STAB2: variants seen among roughly 807,000 people sequenced by gnomAD.
The protein encoded by STAB2 is stabilin-2.
A neutral mutation model predicts 338.1 loss-of-function variants in STAB2; 288 were observed. The observed-to-expected ratio is 0.85, with a 90% CI of 0.77 to 0.94. STAB2 has a LOEUF of 0.94. STAB2 is among the 40% of genes least tolerant of loss of function. The pLI, the probability that STAB2 is intolerant of heterozygous loss-of-function variation, is 0.00. For missense variants in STAB2, 3,141 were observed against 3,210.1 expected (o/e 0.98, Z 0.52); for synonymous variants, 1,202 against 1,193.3 (o/e 1.01, Z -0.15).
chr12:103,709,539 G>C (rs1200327009), intron 39 of STAB2, among the ~76,000 whole-genome samples: 1 of 152,238 alleles, frequency 6.6e-6, no homozygotes, highest in African/African-American at 2.4e-5. Flanking sequence ...GAGCTGGGGA[G>C]GAGATCACAA....
chr12:103,600,453 G>A (rs542879498), intron 3 of STAB2, among the ~76,000 whole-genome samples: 19 of 152,294 alleles, frequency 1.2e-4, no homozygotes, highest in African/African-American at 3.6e-4. Context: ...GAGACAGAGG[G>A]CACTCTAGTG....
chr12:103,610,326 T>A (rs745843237), intron 3 of STAB2, among the ~76,000 whole-genome samples: 28 of 152,190 alleles, frequency 1.8e-4, no homozygotes, highest in Non-Finnish European at 2.4e-4. Context: ...ATGGACTTGT[T>A]TTGGTTGGTA....
chr12:103,736,198 A>T (rs1030575850), intron 52 of STAB2, among the ~76,000 whole-genome samples: 2 of 152,210 alleles, frequency 1.3e-5, no homozygotes, highest in African/African-American at 4.8e-5. Flanking sequence ...ATGATGGCTC[A>T]GTGGAGAGGT....
At position 103,711,603 on chromosome 12, in the gene STAB2, T is replaced by C. The variant is rs1879868428; in HGVS notation, c.4334+87T>C. 2.7e-6 allele frequency: 4 copies of C among 1,457,114 alleles called. No individual in the cohort carries two copies. The East Asian group carries it at 9.3e-5, about 34-fold the overall frequency. The allele number at this position is 1,457,114 out of a possible 1,614,324, so 90.3% of individuals were successfully genotyped here. The stretch of plus-strand genomic sequence containing the variant: ...ACCCTAGTCTCTATCCTCAGGGGAT[T>C]TGTTTCCTGACACCATTTCTGAGGG... On this transcript the variant is annotated intron_variant, in intron 40 of 68. Coordinates refer to ENST00000388887, the MANE Select transcript of STAB2 (RefSeq NM_017564.10).
chr12:103,692,299 C>T (rs1397717989), intron 30 of STAB2, among the ~76,000 whole-genome samples: 2 of 152,170 alleles, frequency 1.3e-5, no homozygotes, highest in East Asian at 1.9e-4. Flanking sequence ...ACCCTAAGGA[C>T]CTCACTTTAA....
Position 103,631,584 on chromosome 12 carries a change from C to T in STAB2, c.488-14C>T, listed in dbSNP as rs1390131160. ...TATGTCAGGTAATAAAAATCCCCCA[C>T]TTTCTGTCTCCAGTGTGCAACTGTG... is the stretch of plus-strand genomic sequence containing the variant. On this transcript the variant is annotated splice_polypyrimidine_tract_variant and intron_variant, in intron 5 of 68. Transcript: ENST00000388887. 1 of 1,613,104 alleles carries T rather than the reference C, an allele frequency of 6.2e-7. No individual in the cohort carries two copies. The highest frequency in any genetic ancestry group is 8.5e-7 in the Non-Finnish European group (1 of 1,179,116).
intron 5 of STAB2, among the ~76,000 whole-genome samples, chr12:103,629,574 G>A (rs760310000): frequency 2.6e-5 from 4 of 152,232 alleles, no homozygotes; most frequent in Non-Finnish European, 5.9e-5. Flanking sequence ...CAACACAGAA[G>A]TGGGGGCTTT....
At chr12:103,702,466 T>A (rs1420039612) in intron 34 of STAB2, among the ~76,000 whole-genome samples, 16 of 152,082 alleles carry the variant, frequency 1.1e-4, no homozygotes, top group African/African-American at 3.1e-4. Flanking sequence ...GCCCGGCTAA[T>A]TTTTTTGTAT....
intron 68 of STAB2, among the ~76,000 whole-genome samples, chr12:103,764,078 C>T (rs776568243): frequency 3.9e-5 from 6 of 151,964 alleles, no homozygotes; most frequent in South Asian, 2.1e-4. Flanking sequence ...CTCTGCCTCC[C>T]GAGTAGCTGG....
chr12:103,644,474 T>A (rs1279614660), intron 9 of STAB2, among the ~76,000 whole-genome samples: 1 of 150,480 alleles, frequency 6.6e-6, no homozygotes, highest in Non-Finnish European at 1.5e-5. Flanking sequence ...CCTCCACTAT[T>A]GTCCTATGAC....
chr12:103,665,587 A>G (rs1875016680), intron 18 of STAB2, among the ~76,000 whole-genome samples: 1 of 152,106 alleles, frequency 6.6e-6, no homozygotes, highest in African/African-American at 2.4e-5. Context: ...AGCCGTAGGG[A>G]TGGTACCAAA....
chr12:103,633,720 G>C (rs1957501378), intron 6 of STAB2, among the ~76,000 whole-genome samples: 1 of 152,132 alleles, frequency 6.6e-6, no homozygotes, highest in African/African-American at 2.4e-5. Context: ...ACATGAAAAA[G>C]GTGCTAAGTC....
chr12:103,694,490 G>T (rs779264978), intron 31 of STAB2, among the ~76,000 whole-genome samples: 1 of 152,126 alleles, frequency 6.6e-6, no homozygotes, highest in African/African-American at 2.4e-5. Context: ...AGGTCACATG[G>T]TCTCCATCAT....
chr12:103,735,082 T>C (rs1882002179), intron 51 of STAB2, among the ~76,000 whole-genome samples: 1 of 152,146 alleles, frequency 6.6e-6, no homozygotes. Context: ...CCAAATAAGA[T>C]CATATTCTGA....
chr12:103,603,816 A>G (rs1361010175), intron 3 of STAB2, among the ~76,000 whole-genome samples: 2 of 152,228 alleles, frequency 1.3e-5, no homozygotes, highest in African/African-American at 2.4e-5. Flanking sequence ...GAGAACTGAC[A>G]TCTAAAAATA....
intron 3 of STAB2, among the ~76,000 whole-genome samples, chr12:103,610,504 G>T (rs1400511760): frequency 6.6e-6 from 1 of 152,144 alleles, no homozygotes; most frequent in Non-Finnish European, 1.5e-5. Flanking sequence ...TCTGATGGTA[G>T]TTTGTATTTC....
At position 103,695,432 on chromosome 12, in the gene STAB2, T is replaced by C. The variant is rs575158017; in HGVS notation, c.3376-118T>C. ...ACTGTGAGTAATCTTCAAAAGGTTG[T>C]CAATGTCAATCCATTGAACTGTCTA... On this transcript the variant is annotated intron_variant, in intron 31 of 68. Transcript: ENST00000388887. The C allele has an allele frequency of 6.1e-5, 51 of 836,876 alleles. No individual in the cohort carries two copies. The South Asian group carries it at 8.2e-4, about 13-fold the overall frequency. The allele number at this position is 836,876 out of a possible 1,614,324, so 51.8% of individuals were successfully genotyped here. A position where few individuals can be genotyped will look rare whatever the true frequency, so the allele number is the denominator to read the frequency against.
At chr12:103,683,809 G>A (rs532827214) in intron 26 of STAB2, among the ~76,000 whole-genome samples, 19 of 152,258 alleles carry the variant, frequency 1.2e-4, no homozygotes, top group African/African-American at 4.6e-4. Context: ...GAAAGATCAG[G>A]CACAGGTATT....
At chr12:103,749,307 A>ACCTTGCATTTAGCCC in intron 59 of STAB2, 151 bp downstream of exon 59, 1 of 893,892 alleles carries the variant, frequency 1.1e-6, no homozygotes, top group Non-Finnish European at 1.6e-6. Context: ...TCATTGGGCT[A>ACCTTGCATTTAGCCC]AATGCAAGGT....
Sources: allele counts gnomAD v4.1 joint callset (sites outside exome capture counted in the v4.1 genomes callset), GRCh38; gene constraint gnomAD v4.1.1; transcripts MANE v1.5; gene names NCBI Gene and HGNC (gene_info 2026-07-23, HGNC 2026-07-21).